The following KIAA1328 variants were observed in gnomAD, a reference collection of about 807,000 sequenced individuals.
KIAA1328 encodes KIAA1328.
Under a neutral mutation model 68.1 loss-of-function variants are expected in KIAA1328, and 52 were observed. That is an observed-to-expected ratio of 0.76 (90% confidence interval 0.61 to 0.96). The LOEUF is 0.96. Among genes scored for constraint, KIAA1328 ranks in the 40% least tolerant of loss-of-function variants. The probability of loss-of-function intolerance (pLI) is 0.00; values close to 1 mark genes in which losing one functional copy is unlikely to be tolerated. For synonymous variants in KIAA1328, 232 were observed against 239.4 expected, an observed-to-expected ratio of 0.97 and a Z score of 0.28; for missense variants, 641 against 677.6, an observed-to-expected ratio of 0.95 and a Z score of 0.60.
At chr18:37,228,977 T>C (rs912914278), downstream of KIAA1328, among the ~76,000 whole-genome samples, 2 of 152,254 alleles carry the variant, frequency 1.3e-5, no homozygotes, top group African/African-American at 4.8e-5. Context: ...TACAGTTGTG[T>C]GAACATAACT....
intron 6 of KIAA1328, among the ~76,000 whole-genome samples, chr18:37,058,177 G>C (rs763424171): frequency 3.3e-5 from 5 of 152,046 alleles, no homozygotes; most frequent in Non-Finnish European, 5.9e-5. Context: ...AGAGAGATGT[G>C]GTTAACCCAG....
At chr18:36,954,072 G>A (rs1342430350) in intron 5 of KIAA1328, among the ~76,000 whole-genome samples, 3 of 139,536 alleles carry the variant, frequency 2.1e-5, no homozygotes, top group Non-Finnish European at 4.5e-5. Flanking sequence ...GCGCAATCTC[G>A]GCTCACTGCA....
rs78555869 is a variant in KIAA1328 at position 36,904,634 on chromosome 18, T to C, written c.448+18962T>C. On this transcript the variant is annotated intron_variant, in intron 5 of 9. Coordinates refer to ENST00000280020, the MANE Select transcript of KIAA1328 (RefSeq NM_020776.3). ...CTTTGTATTTAATGTGCATTTTTTA[T>C]AGCCAGATCATACATGGTTCTTGCT... 7.4e-3 allele frequency among the ~76,000 whole-genome samples: 1,129 copies of C among 152,274 alleles called. 8 individuals are homozygous for C. Among genetic ancestry groups the C allele is most frequent in the Non-Finnish European group, 0.012 (839 of 67,996 alleles).
At chr18:37,175,553 C>T (rs1341081647) in intron 9 of KIAA1328, among the ~76,000 whole-genome samples, 3 of 151,704 alleles carry the variant, frequency 2.0e-5, no homozygotes, top group African/African-American at 7.3e-5. Flanking sequence ...TTTAGAAATG[C>T]ATGATGACAT....
intron 5 of KIAA1328, among the ~76,000 whole-genome samples, chr18:36,900,562 T>G (rs2049004378): frequency 6.6e-6 from 1 of 152,000 alleles, no homozygotes; most frequent in Non-Finnish European, 1.5e-5. Flanking sequence ...ATTTATTAGT[T>G]TTTTTCAGCA....
At chr18:36,867,820 GAA>G (rs1038444220) in intron 4 of KIAA1328, among the ~76,000 whole-genome samples, 1 of 152,154 alleles carries the variant, frequency 6.6e-6, no homozygotes, top group African/African-American at 2.4e-5. Flanking sequence ...CAAACAGGGT[GAA>G]AGACAGTAGT....
chr18:36,963,104 A>G (rs944409616), intron 6 of KIAA1328, among the ~76,000 whole-genome samples: 1 of 152,226 alleles, frequency 6.6e-6, no homozygotes, highest in Admixed American at 6.5e-5. Context: ...TTGATCTGAA[A>G]TATTTTCTTC....
At chr18:37,141,215 C>T (rs1311467796) in intron 7 of KIAA1328, among the ~76,000 whole-genome samples, 2 of 152,078 alleles carry the variant, frequency 1.3e-5, no homozygotes, top group African/African-American at 2.4e-5. Flanking sequence ...TATTCATCAC[C>T]CCACAAAGCA....
At chr18:37,132,251 T>C (rs779629413) in intron 7 of KIAA1328, among the ~76,000 whole-genome samples, 1 of 152,200 alleles carries the variant, frequency 6.6e-6, no homozygotes, top group Non-Finnish European at 1.5e-5. Flanking sequence ...GCATGCTTTA[T>C]TTAGAATTTT....
rs192083852 is a variant in KIAA1328 at position 36,942,748 on chromosome 18, G to A, written c.449-16560G>A. Among the ~76,000 whole-genome samples, 71 of 152,210 alleles carry A rather than the reference G, an allele frequency of 4.7e-4. No homozygotes were observed. In the Middle Eastern group the frequency reaches 0.014, roughly 29 times the overall value. ...CACTTTTAATTGATCTCTTGTGTAT[G>A]GTAGAAATTAGCCATCATATAGCTG... On this transcript the variant is annotated intron_variant, in intron 5 of 9. Transcript: ENST00000280020.
chr18:37,221,909 T>A, intron 9 of KIAA1328, 108 bp from the exon 10 acceptor site: 1 of 1,081,628 alleles, frequency 9.2e-7, no homozygotes, highest in East Asian at 2.6e-5. Flanking sequence ...ATGCATGATG[T>A]GATCTGTAAT....
At chr18:36,853,594 A>T (rs1423244175) in intron 4 of KIAA1328, among the ~76,000 whole-genome samples, 1 of 152,174 alleles carries the variant, frequency 6.6e-6, no homozygotes, top group African/African-American at 2.4e-5. Context: ...ACACAGCTGC[A>T]TCTTCTATCC....
intron 6 of KIAA1328, among the ~76,000 whole-genome samples, chr18:36,972,970 A>C (rs2052292450): frequency 6.6e-6 from 1 of 152,174 alleles, no homozygotes; most frequent in Non-Finnish European, 1.5e-5. Context: ...TGAATATATC[A>C]ATTTTGTGTT....
chr18:37,174,678 C>T (rs1471685991), intron 9 of KIAA1328, among the ~76,000 whole-genome samples: 8 of 151,816 alleles, frequency 5.3e-5, no homozygotes, highest in Admixed American at 5.3e-4. Flanking sequence ...ACTACAAGCT[C>T]CACCTCCCAG....
intron 5 of KIAA1328, among the ~76,000 whole-genome samples, chr18:36,922,842 T>C (rs902270717): frequency 6.6e-5 from 10 of 152,140 alleles, no homozygotes; most frequent in African/African-American, 2.4e-4. Context: ...GAATTTTTTT[T>C]CGTAGTAGGG....
intron 6 of KIAA1328, among the ~76,000 whole-genome samples, chr18:37,055,741 T>C (rs1225778050): frequency 6.6e-6 from 1 of 152,224 alleles, no homozygotes; most frequent in Non-Finnish European, 1.5e-5. Flanking sequence ...CTTGAAATAC[T>C]GACTTCTCAA....
At chr18:36,997,882 C>G (rs2053450988) in intron 6 of KIAA1328, among the ~76,000 whole-genome samples, 1 of 152,166 alleles carries the variant, frequency 6.6e-6, no homozygotes, top group African/African-American at 2.4e-5. Flanking sequence ...CATGGGCTAC[C>G]ACTACCAGAG....
intron 7 of KIAA1328, among the ~76,000 whole-genome samples, chr18:37,087,307 G>C (rs956845067): frequency 6.6e-6 from 1 of 152,020 alleles, no homozygotes; most frequent in Non-Finnish European, 1.5e-5. Context: ...TAATCTACCC[G>C]CCTCAGCTTC....
At chr18:37,192,274 A>G (rs2059921129) in intron 9 of KIAA1328, among the ~76,000 whole-genome samples, 1 of 152,066 alleles carries the variant, frequency 6.6e-6, no homozygotes, top group Admixed American at 6.6e-5. Flanking sequence ...TATAAAGTCC[A>G]TCTATCCATA....
Sources: allele counts gnomAD v4.1 joint callset (sites outside exome capture counted in the v4.1 genomes callset), GRCh38; gene constraint gnomAD v4.1.1; transcripts MANE v1.5; gene names NCBI Gene and HGNC (gene_info 2026-07-23, HGNC 2026-07-21).